The following NIT2 variants were observed in gnomAD, a reference collection of about 807,000 sequenced individuals.
NIT2 encodes the protein omega-amidase NIT2.
In NIT2, 46 loss-of-function variants were observed where a neutral mutation model predicts 42.7. That is an observed-to-expected ratio of 1.08 (90% CI 0.85 to 1.38). The LOEUF is 1.38. Ranked by LOEUF, NIT2 falls within the 40% of genes most tolerant of loss-of-function variation. The pLI is 0.00. For missense variants in NIT2, 309 were observed against 342.5 expected (o/e 0.90, Z 0.77); for synonymous variants, 123 against 121.9 (o/e 1.01, Z -0.06).
rs189790714 is a variant in NIT2, at chr3:100,341,637, G to A, written c.336+476G>A. On this transcript the variant is annotated intron_variant, in intron 4 of 9. Coordinates refer to ENST00000394140, the MANE Select transcript of NIT2 (RefSeq NM_020202.5). ...CCCGCCTCAGCCTCCTAAAGTGCTG[G>A]GATTACAGGCATGAGCCACCGTGCC... Among the ~76,000 whole-genome samples the A allele has an allele frequency of 2.3e-3, 342 of 151,946 alleles. 2 individuals are homozygous for A. Among genetic ancestry groups the A allele is most frequent in the African/African-American group, 7.7e-3 (321 of 41,430 alleles).
At position 100,355,368 on chromosome 3, in the gene NIT2, G is replaced by A; in HGVS notation, c.*100G>A. 1.2e-6 allele frequency: 1 copy of A among 857,770 alleles called. No individual in the cohort carries two copies. Among genetic ancestry groups the A allele is most frequent in the Non-Finnish European group, 1.8e-6 (1 of 546,906 alleles). The allele number at this position is 857,770 out of a possible 1,614,324, so 53.1% of individuals were successfully genotyped here. On this transcript the variant is annotated 3_prime_UTR_variant, in exon 10 of 10. Coordinates refer to ENST00000394140, the MANE Select transcript of NIT2 (RefSeq NM_020202.5). ...TAATGAAGATTTTTTTTTTAATTCG[G>A]CCTTGTCCTTCCTAGGTTCTCTATT...
In NIT2 at chr3:100,356,911, C is replaced by G. The variant is rs1706330394; in HGVS notation, c.*1643C>G. 6.6e-6 allele frequency: 1 copy of G among 152,178 alleles called. No homozygotes were observed. Among genetic ancestry groups the G allele is most frequent in the Non-Finnish European group, 1.5e-5 (1 of 68,038 alleles). The allele number at this position is 152,178 out of a possible 1,614,324, so 9.4% of individuals were successfully genotyped here. On this transcript the variant is annotated 3_prime_UTR_variant, in exon 10 of 10. Transcript: ENST00000394140. ...GTATGTCTTCTTTCACTCAAAATCA[C>G]TTGGAACTCAAAATTACTTCTTTCA...
rs944297683 is a variant in NIT2 at position 100,356,753 on chromosome 3, A to G, written c.*1485A>G. The G allele has an allele frequency of 6.6e-6, 1 of 152,144 alleles. No individual in the cohort carries two copies. The highest frequency in any genetic ancestry group is 1.9e-4 in the East Asian group (1 of 5,200). The allele number at this position is 152,144 out of a possible 1,614,324, so 9.4% of individuals were successfully genotyped here. On this transcript the variant is annotated 3_prime_UTR_variant, in exon 10 of 10. Transcript: ENST00000394140. ...CAAGATAACATATTTACCACCCCCA[A>G]CAGTTTCCATGTGCTGTATTATAAT...
chr3:100,346,196 G>T lies in NIT2; in HGVS notation c.446G>T (p.Gly149Val). The T allele has an allele frequency of 6.2e-7, 1 of 1,614,098 alleles. No homozygotes were observed. The highest frequency in any genetic ancestry group is 8.5e-7 in the Non-Finnish European group (1 of 1,179,968). ...STFDTPYCRV[G>V]LGICYDMRFA... ...TTGGAAACAGCTTACTGCAGAGTGG[G>T]TCTGGGCATCTGCTACGACATGCGG... The change falls in exon 6 of 10, where the codon GGT (glycine) becomes GTT (valine). Residue 149 changes from glycine (G) to valine (V), a missense_variant. Coordinates refer to ENST00000394140, the MANE Select transcript of NIT2 (RefSeq NM_020202.5).
rs1309541266 is a variant in NIT2, at chr3:100,359,814, C to T, written c.*4546C>T. 6.6e-6 allele frequency: 1 copy of T among 152,222 alleles called. No individual in the cohort carries two copies. The highest frequency in any genetic ancestry group is 6.5e-5 in the Admixed American group (1 of 15,276). The allele number at this position is 152,222 out of a possible 1,614,324, so 9.4% of individuals were successfully genotyped here. On this transcript the variant is annotated 3_prime_UTR_variant, in exon 10 of 10. Transcript: ENST00000394140. ...ACCACTTCACTTTGCTGGACTCTAC[C>T]TTGAATGCCTCATTTTCAGCTCACA...
Position 100,355,517 on chromosome 3 carries a change from G to A in NIT2, c.*249G>A. The stretch of plus-strand genomic sequence containing the variant: ...CTGAAGCTTCTTCCATACTTAAGTT[G>A]CCTCCAAGCAGTTTGTGAAAGTATC... On this transcript the variant is annotated 3_prime_UTR_variant, in exon 10 of 10. Transcript: ENST00000394140. 2.5e-6 allele frequency: 1 copy of A among 396,976 alleles called. No homozygotes were observed. 24.6% of individuals were successfully genotyped at this position (396,976 alleles called of 1,614,324 possible).
intron 1 of NIT2, among the ~76,000 whole-genome samples, chr3:100,335,480 C>T (rs991932435): frequency 2.6e-5 from 4 of 152,176 alleles, no homozygotes; most frequent in African/African-American, 7.2e-5. Flanking sequence ...ATTAGGGCAG[C>T]CTTAAAAGTC....
Position 100,355,351 on chromosome 3 carries a change from A to T in NIT2, c.*83A>T. ...CTCCCTATTAAATTCTTTAATGAAG[A>T]TTTTTTTTTTAATTCGGCCTTGTCC... On this transcript the variant is annotated 3_prime_UTR_variant, in exon 10 of 10. Coordinates refer to ENST00000394140, the MANE Select transcript of NIT2 (RefSeq NM_020202.5). 9.6e-7 allele frequency: 1 copy of T among 1,040,844 alleles called. No individual in the cohort carries two copies. Among genetic ancestry groups the T allele is most frequent in the Non-Finnish European group, 1.4e-6 (1 of 711,764 alleles). 64.5% of individuals were successfully genotyped at this position (1,040,844 alleles called of 1,614,324 possible).
At position 100,341,169 on chromosome 3, in the gene NIT2, G is replaced by C; in HGVS notation, c.336+8G>C. 4 of 1,596,676 alleles carry C rather than the reference G, an allele frequency of 2.5e-6. No homozygotes were observed. The highest frequency in any genetic ancestry group is 3.4e-6 in the Non-Finnish European group (4 of 1,164,194). On this transcript the variant is annotated splice_region_variant and intron_variant, in intron 4 of 9. Transcript: ENST00000394140. ...CTAGCAAAGTATAGAAAGGTAAGTA[G>C]GAAGTGTGGCATAAGAATTTGTTAT... is the stretch of plus-strand genomic sequence containing the variant.
Position 100,358,432 on chromosome 3 carries a change from A to C in NIT2, c.*3164A>C, listed in dbSNP as rs1217223552. The C allele has an allele frequency of 2.0e-5, 3 of 152,166 alleles. No individual in the cohort carries two copies. The highest frequency in any genetic ancestry group is 2.9e-5 in the Non-Finnish European group (2 of 68,022). The allele number at this position is 152,166 out of a possible 1,614,324, so 9.4% of individuals were successfully genotyped here. ...TTATTTTTGTTTTTTGTTTTTGCAT[A>C]ATACTTTGAAGTCTGCTATCACAAG... On this transcript the variant is annotated 3_prime_UTR_variant, in exon 10 of 10. Coordinates refer to ENST00000394140, the MANE Select transcript of NIT2 (RefSeq NM_020202.5).
At chr3:100,336,453 G>A (rs747304117) in intron 1 of NIT2, among the ~76,000 whole-genome samples, 2 of 152,058 alleles carry the variant, frequency 1.3e-5, no homozygotes, top group Admixed American at 6.6e-5. Context: ...ACCAGCGTTC[G>A]GCATACGGAG....
chr3:100,346,112 G>A (rs1025641963), intron 5 of NIT2, 69 bp from the exon 6 acceptor site: 2 of 1,230,438 alleles, frequency 1.6e-6, no homozygotes, highest in Admixed American at 1.8e-5. Context: ...ATGTCATGGA[G>A]GATTTCCCCT....
intron 2 of NIT2, among the ~76,000 whole-genome samples, 193 bp from the exon 3 acceptor site, chr3:100,339,622 C>G (rs10511179): frequency 0.3 from 45,896 of 151,914 alleles, 7,216 homozygotes; most frequent in African/African-American, 0.39. Flanking sequence ...CTCCAACCCA[C>G]TAGGCTAGCT....
chr3:100,339,054 C>A, intron 1 of NIT2, 33 bp from the exon 2 acceptor site: 1 of 1,444,544 alleles, frequency 6.9e-7, no homozygotes, highest in South Asian at 1.1e-5. Flanking sequence ...GTTCGATCTT[C>A]TGATAGCTGT....
intron 5 of NIT2, 190 bp downstream of exon 5, chr3:100,345,868 C>T: frequency 1.6e-6 from 1 of 606,264 alleles, no homozygotes. Flanking sequence ...CACGATTTTG[C>T]CCTTTGATTT....
At chr3:100,352,022 G>C (rs202575) in intron 7 of NIT2, among the ~76,000 whole-genome samples, 71,927 of 151,906 alleles carry the variant, frequency 0.47, 20,050 homozygotes, top group African/African-American at 0.77. Context: ...CTCACCATCA[G>C]TGGCCATCAG....
chr3:100,361,467 AC>A lies in NIT2; in HGVS notation c.*6201del, dbSNP rs1378963053. ...GCAATCATCTTGACCCCAAGCATAC[AC>A]CATGTTCAGCTTCCTCCCCTTGGCC... On this transcript the variant is annotated 3_prime_UTR_variant, in exon 10 of 10. Transcript: ENST00000394140. 6.6e-6 allele frequency: 1 copy of A among 152,284 alleles called. No individual in the cohort carries two copies. The highest frequency in any genetic ancestry group is 1.5e-5 in the Non-Finnish European group (1 of 68,114). The allele number at this position is 152,284 out of a possible 1,614,324, so 9.4% of individuals were successfully genotyped here.
chr3:100,337,339 T>G (rs1576197702), intron 1 of NIT2, among the ~76,000 whole-genome samples: 1 of 152,208 alleles, frequency 6.6e-6, no homozygotes, highest in African/African-American at 2.4e-5. Flanking sequence ...ATAATGTGCT[T>G]TGGATCCTTT....
At chr3:100,335,179 G>C (rs1176914996) in intron 1 of NIT2, 2 of 213,094 alleles carry the variant, frequency 9.4e-6, no homozygotes, top group Non-Finnish European at 9.9e-6. Flanking sequence ...CTGCACAAAG[G>C]TGCCCAGGCG....
Sources: gnomAD v4.1 joint callset for allele counts (sites outside exome capture counted in the v4.1 genomes callset) on GRCh38, gnomAD v4.1.1 for gene constraint, MANE v1.5 for transcripts, NCBI Gene and HGNC (gene_info 2026-07-23, HGNC 2026-07-21) for gene names.